Variants in CSPP1 observed in about 807,000 individuals in gnomAD.
CSPP1 encodes centrosome and spindle pole-associated protein 1.
CSPP1 carries 126 observed loss-of-function variants against 164.4 expected under a neutral mutation model. The ratio of observed to expected loss-of-function variants is 0.77; its 90% CI spans 0.66 to 0.89. The LOEUF (loss-of-function observed/expected upper bound fraction) is 0.89, where lower values mean the gene tolerates loss of function less well. Ranked by LOEUF, CSPP1 falls within the 40% of genes least tolerant of loss-of-function variation. CSPP1 has a pLI of 0.00. For missense variants in CSPP1, 1,395 were observed against 1,449.8 expected (o/e 0.96, Z 0.61); for synonymous variants, 472 against 476.7 (o/e 0.99, Z 0.13).
chr8:67,164,777 C>T (rs572665728), intron 24 of CSPP1, among the ~76,000 whole-genome samples: 1 of 152,268 alleles, frequency 6.6e-6, no homozygotes, highest in East Asian at 1.9e-4. Context: ...ACGTAGCTTT[C>T]TGAAATACTT....
intron 4 of CSPP1, among the ~76,000 whole-genome samples, chr8:67,088,942 C>G (rs1811043796): frequency 6.6e-6 from 1 of 151,440 alleles, no homozygotes; most frequent in Non-Finnish European, 1.5e-5. Flanking sequence ...GCACTATTTC[C>G]TTAAAATTAG....
At chr8:67,064,646 C>A in intron 1 of CSPP1, 108 bp downstream of exon 1, 1 of 642,946 alleles carries the variant, frequency 1.6e-6, no homozygotes, top group Non-Finnish European at 2.2e-6. Flanking sequence ...GGTCTCGAGG[C>A]AACTAGGCCG....
At chr8:67,078,834 A>T (rs891328423) in intron 3 of CSPP1, among the ~76,000 whole-genome samples, 1 of 152,052 alleles carries the variant, frequency 6.6e-6, no homozygotes, top group East Asian at 1.9e-4. Context: ...TTAGCCCAGC[A>T]TGGTGGCGCA....
At chr8:67,165,444 A>G (rs1829139113) in intron 24 of CSPP1, among the ~76,000 whole-genome samples, 1 of 152,212 alleles carries the variant, frequency 6.6e-6, no homozygotes, top group Admixed American at 6.5e-5. Flanking sequence ...GGATTTCTCC[A>G]GTTTTCTACT....
intron 24 of CSPP1, among the ~76,000 whole-genome samples, chr8:67,166,783 G>GT (rs1324657486): frequency 6.7e-6 from 1 of 148,374 alleles, no homozygotes; most frequent in Non-Finnish European, 1.5e-5. Flanking sequence ...GGGGGATTTT[G>GT]TAGGGTCATA....
intron 3 of CSPP1, among the ~76,000 whole-genome samples, chr8:67,085,094 G>A (rs1810102934): frequency 1.3e-5 from 2 of 151,952 alleles, no homozygotes; most frequent in African/African-American, 2.4e-5. Context: ...ACTCAAATTC[G>A]AAGTTTTTCT....
chr8:67,193,196 A>G (rs968619020), intron 29 of CSPP1, among the ~76,000 whole-genome samples: 1 of 152,006 alleles, frequency 6.6e-6, no homozygotes, highest in African/African-American at 2.4e-5. Context: ...AGCTCACTGC[A>G]GCCTCCACCT....
At chr8:67,125,558 T>C (rs938324474) in intron 15 of CSPP1, among the ~76,000 whole-genome samples, 6 of 152,192 alleles carry the variant, frequency 3.9e-5, no homozygotes, top group Non-Finnish European at 5.9e-5. Context: ...GTGTCTTCTC[T>C]TCCTGAGACC....
chr8:67,097,584 G>T (rs16933157), intron 7 of CSPP1, among the ~76,000 whole-genome samples: 177 of 152,162 alleles, frequency 1.2e-3, no homozygotes, highest in African/African-American at 4.0e-3. Flanking sequence ...TGTCTCCTTT[G>T]TACATGAGAA....
At chr8:67,125,742 T>C (rs1254308488) in intron 15 of CSPP1, among the ~76,000 whole-genome samples, 2 of 152,258 alleles carry the variant, frequency 1.3e-5, no homozygotes, top group East Asian at 1.9e-4. Flanking sequence ...TTTTCAGTTA[T>C]ATTTTTCAGC....
Position 67,149,940 on chromosome 8 carries a change from T to G in CSPP1, c.2128+5T>G. The G allele has an allele frequency of 6.5e-7, 1 of 1,535,920 alleles. No homozygotes were observed. The highest frequency in any genetic ancestry group is 8.7e-7 in the Non-Finnish European group (1 of 1,155,538). On this transcript the variant is annotated splice_donor_5th_base_variant and intron_variant, in intron 18 of 30. Coordinates refer to ENST00000678616, the MANE Select transcript of CSPP1 (RefSeq NM_001382391.1). ...ATGCTGCAAATAAAAGCTCAGGTTT[T>G]TAATCACTTTTTTTTTTTTTTTTTT...
chr8:67,180,038 G>T, intron 28 of CSPP1, 112 bp downstream of exon 28: 1 of 543,998 alleles, frequency 1.8e-6, no homozygotes, highest in South Asian at 2.9e-5. Context: ...AAAAAAAAAG[G>T]AATATTCTTT....
intron 3 of CSPP1, among the ~76,000 whole-genome samples, chr8:67,082,082 C>T (rs1005916589): frequency 6.6e-6 from 1 of 152,176 alleles, no homozygotes; most frequent in Admixed American, 6.5e-5. Flanking sequence ...GAGTCTCGCT[C>T]TGTTGCCCAG....
In CSPP1 at chr8:67,095,690, G is replaced by C. The variant is rs761539830; in HGVS notation, c.881G>C (p.Ser294Thr). 19 of 1,608,044 alleles carry C rather than the reference G, an allele frequency of 1.2e-5. No individual in the cohort carries two copies. The highest frequency in any genetic ancestry group is 1.6e-5 in the Non-Finnish European group (19 of 1,177,520). Residue 294 changes from serine (S) to threonine (T), a missense_variant, in exon 7 of 31, where the codon AGT (serine) becomes ACT (threonine). Transcript: ENST00000678616. Reference sequence around the variant, plus strand: ...ATGGATGAGAGGTTTAGATATGAAAGTGATTTTGATAGAAGACTTTCGAGA... The same window carrying C: ...ATGGATGAGAGGTTTAGATATGAAACTGATTTTGATAGAAGACTTTCGAGA... Reference protein sequence around the residue: ...EEMDERFRYESDFDRRLSRVY... With the variant: ...EEMDERFRYETDFDRRLSRVY...
intron 19 of CSPP1, 81 bp from the exon 20 acceptor site, chr8:67,158,366 A>G: frequency 1.4e-6 from 2 of 1,388,222 alleles, no homozygotes; most frequent in Non-Finnish European, 1.9e-6. Context: ...TGTTGAGTTT[A>G]TATACTATCA....
At chr8:67,160,432 TCCAG>T (rs1828112113) in intron 21 of CSPP1, among the ~76,000 whole-genome samples, 1 of 144,472 alleles carries the variant, frequency 6.9e-6, no homozygotes, top group Non-Finnish European at 1.5e-5. Flanking sequence ...ACTGTGGCAC[TCCAG>T]CCTGGGTGAC....
At chr8:67,132,390 A>G (rs1217362726) in intron 16 of CSPP1, among the ~76,000 whole-genome samples, 1 of 152,196 alleles carries the variant, frequency 6.6e-6, no homozygotes, top group Middle Eastern at 3.2e-3. Flanking sequence ...AGAGTTAGTT[A>G]GGTTGTTCTA....
intron 28 of CSPP1, among the ~76,000 whole-genome samples, chr8:67,187,221 C>G (rs1412497344): frequency 6.6e-6 from 1 of 152,142 alleles, no homozygotes; most frequent in Non-Finnish European, 1.5e-5. Context: ...CAAACTGATT[C>G]TAAAGTTCAT....
chr8:67,120,328 A>T (rs1056261394), intron 15 of CSPP1, among the ~76,000 whole-genome samples: 31 of 152,142 alleles, frequency 2.0e-4, no homozygotes, highest in Non-Finnish European at 3.8e-4. Flanking sequence ...CTTTTTCAAA[A>T]TTGTTTTGGC....
Sources: allele counts gnomAD v4.1 joint callset (sites outside exome capture counted in the v4.1 genomes callset), GRCh38; gene constraint gnomAD v4.1.1; transcripts MANE v1.5; gene names NCBI Gene and HGNC (gene_info 2026-07-23, HGNC 2026-07-21).